The following NUP98 variants were observed in gnomAD, a reference collection of about 807,000 sequenced individuals.
NUP98 encodes the protein nuclear pore complex protein Nup98-Nup96.
In NUP98, 26 loss-of-function variants were observed where a neutral mutation model predicts 191.9. The observed-to-expected ratio is 0.14, with a 90% CI of 0.10 to 0.19. The LOEUF (loss-of-function observed/expected upper bound fraction) is 0.19, where lower values mean the gene tolerates loss of function less well. NUP98 is among the 10% of genes least tolerant of loss of function. The probability of loss-of-function intolerance (pLI) is 1.00; values close to 1 mark genes in which losing one functional copy is unlikely to be tolerated. For synonymous variants in NUP98, 808 were observed against 778.4 expected (o/e 1.04, Z -0.63); for missense variants, 1,941 against 2,178.8 (o/e 0.89, Z 2.17).
intron 2 of NUP98, among the ~76,000 whole-genome samples, chr11:3,781,821 A>G (rs771059721): frequency 6.6e-6 from 1 of 152,188 alleles, no homozygotes; most frequent in Non-Finnish European, 1.5e-5. Context: ...TATTTTAAGT[A>G]TCTTCTACTG....
intron 10 of NUP98, among the ~76,000 whole-genome samples, chr11:3,756,197 C>T (rs1011698532): frequency 6.6e-6 from 1 of 152,062 alleles, no homozygotes; most frequent in Admixed American, 6.6e-5. Context: ...ATCTTACAGT[C>T]CCATAAGCAG....
intron 20 of NUP98, among the ~76,000 whole-genome samples, chr11:3,707,565 T>C (rs577097282): frequency 2.0e-5 from 3 of 150,602 alleles, no homozygotes; most frequent in Admixed American, 1.3e-4. Context: ...CTGGCCAACA[T>C]GGTGGTGAAA....
chr11:3,795,087 G>A (rs774361029), intron 1 of NUP98, among the ~76,000 whole-genome samples: 30 of 152,170 alleles, frequency 2.0e-4, no homozygotes, highest in Non-Finnish European at 3.7e-4. Context: ...TTTCAAAGCC[G>A]TAAATTTAGT....
rs1564912681 is a variant in NUP98 at position 3,773,616 on chromosome 11, AT to A, written c.603+15del. 7.0e-7 allele frequency: 1 copy of A among 1,424,950 alleles called. No individual in the cohort carries two copies. The highest frequency in any genetic ancestry group is 1.4e-5 in the African/African-American group (1 of 70,594). The allele number at this position is 1,424,950 out of a possible 1,614,324, so 88.3% of individuals were successfully genotyped here. ...TCAAAAGGTTAGACTGACATTCTGT[AT>A]TGTATTTTACTGACCTCTAGTGACT... On this transcript the variant is annotated intron_variant, in intron 6 of 32. Transcript: ENST00000324932.
chr11:3,758,187 G>C (rs1482602702), intron 10 of NUP98, among the ~76,000 whole-genome samples: 2 of 151,916 alleles, frequency 1.3e-5, no homozygotes, highest in African/African-American at 4.8e-5. Context: ...CGGGGGTGGT[G>C]GTGGGTGCCC....
chr11:3,685,285 C>T (rs1185660187), intron 29 of NUP98, among the ~76,000 whole-genome samples: 3 of 152,162 alleles, frequency 2.0e-5, no homozygotes, highest in Middle Eastern at 3.2e-3. Context: ...AGAATCAAGA[C>T]ACATATACCT....
intron 23 of NUP98, 54 bp from the exon 24 acceptor site, chr11:3,700,893 GA>G: frequency 8.2e-7 from 1 of 1,215,042 alleles, no homozygotes; most frequent in Non-Finnish European, 1.2e-6. Flanking sequence ...CAGAAGCTAG[GA>G]TTTTTACTTC....
intron 20 of NUP98, chr11:3,711,466 T>C (rs2079021529): frequency 6.6e-6 from 1 of 152,396 alleles, no homozygotes. Flanking sequence ...AATGAAGCTT[T>C]TCTTTTTCAG....
chr11:3,702,326 CTCTCTCTCTCTCTCTCTCTCT>C (rs1255927127), intron 23 of NUP98, 116 bp downstream of exon 23: 45 of 210,252 alleles, frequency 2.1e-4, no homozygotes, highest in East Asian at 1.9e-3. Flanking sequence ...CTCTCTCTCT[CTCTCTCTCTCTCTCTCTCTCT>C]CTCTCTCTCT....
At chr11:3,779,087 T>C (rs1268673587) in intron 3 of NUP98, 38 bp from the exon 4 acceptor site, 1 of 1,613,676 alleles carries the variant, frequency 6.2e-7, no homozygotes, top group Non-Finnish European at 8.5e-7. Context: ...GTTAAGTACA[T>C]CAGAGCCACT....
intron 28 of NUP98, among the ~76,000 whole-genome samples, chr11:3,690,201 C>T (rs2078266425): frequency 6.6e-6 from 1 of 151,736 alleles, no homozygotes; most frequent in Non-Finnish European, 1.5e-5. Context: ...GATCCACCCA[C>T]CTCAGCCTCC....
In NUP98 at chr11:3,700,825, G is replaced by A; in HGVS notation, c.3527C>T (p.Pro1176Leu). 1.2e-6 allele frequency: 2 copies of A among 1,612,830 alleles called. No individual in the cohort carries two copies. The highest frequency in any genetic ancestry group is 2.2e-5 in the East Asian group (1 of 44,868). ...PVAVKPLTES[P>L]FKVHLEKLSL... is the part of the protein sequence containing the mutation. ...GAGTTTTTCTAAGTGAACTTTGAAT[G>A]GGGACTCAGTTAGGCTACAAGAGCA... Residue 1176 changes from proline to leucine, a missense_variant, in exon 24 of 33, where the codon CCA becomes CTA. Pro to Leu is a moderately conservative substitution (Grantham distance 98, BLOSUM62 -3). Transcript: ENST00000324932.
Position 3,730,721 on chromosome 11 carries a change from G to A in NUP98, c.1730+670C>T, listed in dbSNP as rs555145013. Among the ~76,000 whole-genome samples, 3 of 152,160 alleles carry A rather than the reference G, an allele frequency of 2.0e-5. No homozygotes were observed. In the South Asian group the frequency reaches 6.2e-4, roughly 32 times the overall value. ...GTGTAATGTTTTTAACGTATCACTT[G>A]AGCTGCGGAGGTTGAGGTTGCAGTG... On this transcript the variant is annotated intron_variant, in intron 14 of 32. Transcript: ENST00000324932.
At position 3,702,455 on chromosome 11, in the gene NUP98, T is replaced by G; in HGVS notation, c.3512+8A>C. The G allele has an allele frequency of 1.4e-5, 22 of 1,608,366 alleles. No individual in the cohort carries two copies. The highest frequency in any genetic ancestry group is 1.8e-5 in the Non-Finnish European group (21 of 1,176,124). ...CTTTCTCAAAAAGCATCAAGAAATGTGACTCACGGTTTAACAGCTACTGGA... is the reference window on the plus strand; with the variant it reads ...CTTTCTCAAAAAGCATCAAGAAATGGGACTCACGGTTTAACAGCTACTGGA... On this transcript the variant is annotated splice_region_variant and intron_variant, in intron 23 of 32. Coordinates refer to ENST00000324932, the MANE Select transcript of NUP98 (RefSeq NM_016320.5).
intron 4 of NUP98, among the ~76,000 whole-genome samples, chr11:3,777,308 A>G (rs913374649): frequency 6.6e-6 from 1 of 152,222 alleles, no homozygotes; most frequent in African/African-American, 2.4e-5. Flanking sequence ...TATATTGCTG[A>G]AAGTATGAGA....
Position 3,688,360 on chromosome 11 carries a change from C to A in NUP98, c.4455-2166G>T, listed in dbSNP as rs549584604. On this transcript the variant is annotated intron_variant, in intron 28 of 32. Coordinates refer to ENST00000324932, the MANE Select transcript of NUP98 (RefSeq NM_016320.5). ...GGCAGAGCTTGCAGTGAGCCTAGTT[C>A]GCGCCACTGCACTCCAGCCTGGGCG... Among the ~76,000 whole-genome samples the A allele has an allele frequency of 3.9e-5, 6 of 151,938 alleles. No individual in the cohort carries two copies. In the East Asian group the frequency reaches 1.2e-3, roughly 29 times the overall value.
intron 11 of NUP98, among the ~76,000 whole-genome samples, chr11:3,752,462 A>G (rs2080798112): frequency 6.6e-6 from 1 of 152,040 alleles, no homozygotes. Flanking sequence ...GATTGCAGTG[A>G]GCTGAGACTG....
intron 12 of NUP98, among the ~76,000 whole-genome samples, chr11:3,737,007 A>T (rs1354912348): frequency 1.3e-5 from 2 of 152,222 alleles, no homozygotes; most frequent in Non-Finnish European, 2.9e-5. Context: ...CATAAGTAAC[A>T]ATGAAGACTA....
intron 12 of NUP98, among the ~76,000 whole-genome samples, chr11:3,741,560 G>A (rs2080287148): frequency 6.6e-6 from 1 of 152,118 alleles, no homozygotes; most frequent in African/African-American, 2.4e-5. Flanking sequence ...GGCGGATATA[G>A]AAGTGAGCCG....
Sources: allele counts gnomAD v4.1 joint callset (sites outside exome capture counted in the v4.1 genomes callset), GRCh38; gene constraint gnomAD v4.1.1; transcripts MANE v1.5; gene names NCBI Gene and HGNC (gene_info 2026-07-23, HGNC 2026-07-21).